Variants in FAM168A observed in about 807,000 individuals in gnomAD.
The protein encoded by FAM168A is protein FAM168A.
FAM168A carries 3 observed loss-of-function variants against 28.5 expected under a neutral mutation model. The observed-to-expected ratio is 0.11, with a 90% CI of 0.05 to 0.27. FAM168A has a LOEUF of 0.27. Ranked by LOEUF, FAM168A falls within the 10% of genes least tolerant of loss-of-function variation. The pLI is 1.00. For missense variants in FAM168A, 222 were observed against 311.5 expected (o/e 0.71, Z 2.16); for synonymous variants, 122 against 124.2 (o/e 0.98, Z 0.12).
intron 1 of FAM168A, among the ~76,000 whole-genome samples, chr11:73,477,920 T>C (rs965085507): frequency 2.4e-5 from 3 of 125,934 alleles, no homozygotes; most frequent in African/African-American, 9.5e-5. Flanking sequence ...AAAGCTGATA[T>C]GTAGATAGAT....
At chr11:73,554,145 G>A (rs1943861169) in intron 1 of FAM168A, among the ~76,000 whole-genome samples, 1 of 152,240 alleles carries the variant, frequency 6.6e-6, no homozygotes, top group African/African-American at 2.4e-5. Flanking sequence ...GGAGGCCAAG[G>A]TGGGAGGATC....
chr11:73,570,691 G>A (rs1206558917), intron 1 of FAM168A, among the ~76,000 whole-genome samples: 1 of 149,584 alleles, frequency 6.7e-6, no homozygotes, highest in Non-Finnish European at 1.5e-5. Flanking sequence ...TCATGATCAC[G>A]TCACTGTACT....
In FAM168A at chr11:73,401,433, G is replaced by C. The variant is rs1173256638; in HGVS notation, c.*5330C>G. ...TAGATCCAGACTATCTGGCTGACCC[G>C]AGGAGAAGGTCTCTGGGACAGTCTC... On this transcript the variant is annotated 3_prime_UTR_variant, in exon 8 of 8. Transcript: ENST00000356467. 1 of 152,164 alleles carries C rather than the reference G, an allele frequency of 6.6e-6. No homozygotes were observed. The highest frequency in any genetic ancestry group is 1.9e-4 in the East Asian group (1 of 5,192). 9.4% of individuals were successfully genotyped at this position (152,164 alleles called of 1,614,324 possible).
chr11:73,565,696 T>G (rs1023732190), intron 1 of FAM168A, among the ~76,000 whole-genome samples: 7 of 152,186 alleles, frequency 4.6e-5, no homozygotes, highest in Admixed American at 4.6e-4. Flanking sequence ...GACTTCTAAC[T>G]TCATAAAGAG....
intron 1 of FAM168A, among the ~76,000 whole-genome samples, chr11:73,575,501 T>C (rs1944161474): frequency 6.6e-6 from 1 of 152,216 alleles, no homozygotes; most frequent in African/African-American, 2.4e-5. Context: ...AATCCCTTAA[T>C]TTAGTTACTA....
Position 73,401,071 on chromosome 11 carries a change from G to A in FAM168A, c.*5692C>T, listed in dbSNP as rs1306661841. ...TTGATCAAACTACTTGGAAGACACT[G>A]GTCAAAGGTTTATTATTATTATTAT... On this transcript the variant is annotated 3_prime_UTR_variant, in exon 8 of 8. Transcript: ENST00000356467. 2.1e-5 allele frequency: 3 copies of A among 143,124 alleles called. No homozygotes were observed. Among genetic ancestry groups the A allele is most frequent in the Non-Finnish European group, 4.5e-5 (3 of 66,924 alleles). 8.9% of individuals were successfully genotyped at this position (143,124 alleles called of 1,614,324 possible).
intron 1 of FAM168A, among the ~76,000 whole-genome samples, chr11:73,578,412 A>T (rs1044633743): frequency 1.3e-5 from 2 of 152,156 alleles, no homozygotes; most frequent in Admixed American, 6.5e-5. Flanking sequence ...AAACTTAGCA[A>T]ATTGTACATA....
At chr11:73,454,280 T>C (rs755957543) in intron 2 of FAM168A, among the ~76,000 whole-genome samples, 14 of 152,138 alleles carry the variant, frequency 9.2e-5, no homozygotes, top group Non-Finnish European at 1.8e-4. Context: ...AATTTAAAGA[T>C]TAATACCCAG....
At chr11:73,540,761 T>G (rs1202652784) in intron 1 of FAM168A, among the ~76,000 whole-genome samples, 1 of 152,186 alleles carries the variant, frequency 6.6e-6, no homozygotes, top group African/African-American at 2.4e-5. Context: ...TTACATTATA[T>G]TCTTTATTAA....
intron 4 of FAM168A, among the ~76,000 whole-genome samples, chr11:73,418,287 C>T (rs1866730418): frequency 6.6e-6 from 1 of 152,170 alleles, no homozygotes; most frequent in African/African-American, 2.4e-5. Context: ...CTCATGATGG[C>T]TTAGCACCAT....
intron 1 of FAM168A, among the ~76,000 whole-genome samples, chr11:73,474,329 ATT>A (rs553374863): frequency 2.7e-5 from 4 of 149,056 alleles, no homozygotes; most frequent in African/African-American, 9.8e-5. Context: ...TAAAAAAATG[ATT>A]TTTTTTTTTT....
At chr11:73,561,769 AACTTTT>A (rs1943961719) in intron 1 of FAM168A, among the ~76,000 whole-genome samples, 2 of 152,238 alleles carry the variant, frequency 1.3e-5, no homozygotes, top group Middle Eastern at 6.8e-3. Flanking sequence ...TTACTGAAAT[AACTTTT>A]ACTTTTATAT....
At chr11:73,413,218 A>G (rs111478474) in intron 4 of FAM168A, among the ~76,000 whole-genome samples, 9,419 of 45,418 alleles carry the variant, frequency 0.21, 699 homozygotes, top group African/African-American at 0.4. Context: ...AGCTGCCACA[A>G]AAGTCAGCCT....
At chr11:73,580,173 C>G (rs1002602433) in intron 1 of FAM168A, 9 of 406,650 alleles carry the variant, frequency 2.2e-5, no homozygotes, top group African/African-American at 1.5e-4. Context: ...GAGAACGACC[C>G]CCAGACCAAC....
chr11:73,539,968 G>C (rs1219620496), intron 1 of FAM168A, among the ~76,000 whole-genome samples: 1 of 152,230 alleles, frequency 6.6e-6, no homozygotes, highest in South Asian at 2.1e-4. Flanking sequence ...GAGGAAAGAT[G>C]ACAGAATTGC....
intron 1 of FAM168A, among the ~76,000 whole-genome samples, chr11:73,588,796 T>A (rs1462615722): frequency 6.6e-6 from 1 of 152,186 alleles, no homozygotes; most frequent in African/African-American, 2.4e-5. Flanking sequence ...AAACACATCC[T>A]TTGGGAGATA....
At chr11:73,563,494 G>A (rs1256136884) in intron 1 of FAM168A, among the ~76,000 whole-genome samples, 1 of 152,102 alleles carries the variant, frequency 6.6e-6, no homozygotes, top group African/African-American at 2.4e-5. Flanking sequence ...ACACTGTGCT[G>A]AGCAGTAGGA....
chr11:73,589,681 C>A (rs888052366), intron 1 of FAM168A, among the ~76,000 whole-genome samples: 1 of 152,208 alleles, frequency 6.6e-6, no homozygotes, highest in African/African-American at 2.4e-5. Context: ...GTAATCCCAA[C>A]ACTTTGGGAG....
chr11:73,457,843 A>G (rs1239094940), intron 2 of FAM168A, among the ~76,000 whole-genome samples: 1 of 151,874 alleles, frequency 6.6e-6, no homozygotes, highest in African/African-American at 2.4e-5. Flanking sequence ...AAGTATACCC[A>G]TATTTCACAT....
Sources: gnomAD v4.1 joint callset for allele counts (sites outside exome capture counted in the v4.1 genomes callset) on GRCh38, gnomAD v4.1.1 for gene constraint, MANE v1.5 for transcripts, NCBI Gene and HGNC (gene_info 2026-07-23, HGNC 2026-07-21) for gene names.